The following SDC1 variants were observed in gnomAD, a reference collection of about 807,000 sequenced individuals.
SDC1 encodes the protein syndecan 1, also known as syndecan-1.
SDC1 carries 14 observed loss-of-function variants against 29.7 expected under a neutral mutation model. The observed-to-expected ratio is 0.47, with a 90% CI of 0.31 to 0.74. SDC1 has a LOEUF of 0.74. Among genes scored for constraint, SDC1 ranks in the 30% least tolerant of loss-of-function variants. The probability of loss-of-function intolerance (pLI) is 0.05; values close to 1 mark genes in which losing one functional copy is unlikely to be tolerated. For synonymous variants in SDC1, 204 were observed against 175.5 expected (o/e 1.16, Z -1.29); for missense variants, 406 against 400.3 (o/e 1.01, Z -0.12).
rs1677141832 is a variant in SDC1, at chr2:20,203,885, A to G, written c.555T>C (p.Pro185=). ...CCTCAGCAGCCCTCTCGGTGGCAGA[A>G]GGACCTCCATCCTCTGTGTGGGGAG... ...LHTPHTEDGG[P]SATERAAEDG... The change falls in exon 3 of 5, where the codon CCT becomes CCC. Residue 185 remains proline, a synonymous_variant. Transcript: ENST00000254351. The G allele has an allele frequency of 1.2e-6, 2 of 1,606,996 alleles. No individual in the cohort carries two copies. Among genetic ancestry groups the G allele is most frequent in the Non-Finnish European group, 1.7e-6 (2 of 1,177,262 alleles).
At chr2:20,209,884 G>A (rs530542269) in intron 1 of SDC1, among the ~76,000 whole-genome samples, 1 of 152,222 alleles carries the variant, frequency 6.6e-6, no homozygotes. Flanking sequence ...GTTCGACGGG[G>A]GGCAGCGGGC....
At chr2:20,214,891 A>G (rs1677583167) in intron 1 of SDC1, among the ~76,000 whole-genome samples, 1 of 152,224 alleles carries the variant, frequency 6.6e-6, no homozygotes, top group South Asian at 2.1e-4. Flanking sequence ...GTTTTTTCCA[A>G]GCACTTTCTC....
In SDC1 at chr2:20,203,758, G is replaced by A. The variant is rs1677130452; in HGVS notation, c.627+55C>T. 2.1e-5 allele frequency: 27 copies of A among 1,290,662 alleles called. 1 individual carries two copies. The South Asian group carries it at 3.7e-4, about 18-fold the overall frequency. The allele number at this position is 1,290,662 out of a possible 1,614,324, so 80.0% of individuals were successfully genotyped here. A position where few individuals can be genotyped will look rare whatever the true frequency, so the allele number is the denominator to read the frequency against. ...GGCACAGGTGTAGGGCCTGCCAAGTGCCAGGCATTAGGACCAACCCACTCA... is the reference window on the plus strand; with the variant it reads ...GGCACAGGTGTAGGGCCTGCCAAGTACCAGGCATTAGGACCAACCCACTCA... On this transcript the variant is annotated intron_variant, in intron 3 of 4. Transcript: ENST00000254351.
In SDC1 at chr2:20,224,796, A is replaced by T. The variant is rs2148300609; in HGVS notation, c.66+6T>A. The T allele has an allele frequency of 1.5e-6, 2 of 1,306,330 alleles. No individual in the cohort carries two copies. Among genetic ancestry groups the T allele is most frequent in the East Asian group, 6.4e-5 (2 of 31,030 alleles). 80.9% of individuals were successfully genotyped at this position (1,306,330 alleles called of 1,614,324 possible). ...GCCTCCCCGCCTGGCCGCCGGCCGCACTCACCGGCAGGGCCGGCTGCAGGC... is the reference window on the plus strand; with the variant it reads ...GCCTCCCCGCCTGGCCGCCGGCCGCTCTCACCGGCAGGGCCGGCTGCAGGC... On this transcript the variant is annotated splice_donor_region_variant and intron_variant, in intron 1 of 4. Transcript: ENST00000254351. The surrounding 1 kb of genome is among the most constrained non-coding windows in gnomAD (Gnocchi z 4.9).
rs998356471 is a variant in SDC1, at chr2:20,204,272, G to C, written c.168C>G (p.Thr56=). The C allele has an allele frequency of 2.5e-6, 4 of 1,597,230 alleles. No homozygotes were observed. In the African/African-American group the frequency reaches 5.4e-5, roughly 21 times the overall value. The change falls in exon 3 of 5, where the codon ACC becomes ACG. Residue 56 remains threonine, a synonymous_variant. Coordinates refer to ENST00000254351, the MANE Select transcript of SDC1 (RefSeq NM_002997.5). ...GSGAGALQDI[T]LSQQTPSTWK... Reference sequence around the variant, plus strand: ...AAGTGGAGGGGGTCTGCTGTGACAAGGTGATATCTTGCAAAGCACCTGCAG... The same window carrying C: ...AAGTGGAGGGGGTCTGCTGTGACAACGTGATATCTTGCAAAGCACCTGCAG...
intron 1 of SDC1, chr2:20,208,010 G>A: frequency 1.0e-6 from 1 of 985,442 alleles, no homozygotes; most frequent in Non-Finnish European, 1.2e-6. Context: ...AGCTCAAGAT[G>A]GGGCAGGGAT....
chr2:20,225,266 T>A (rs1677956823), upstream of SDC1: 1 of 155,014 alleles, frequency 6.5e-6, no homozygotes, highest in African/African-American at 2.4e-5. Flanking sequence ...TCTTGCCTGC[T>A]TGGCTCCCGC....
chr2:20,224,181 C>G lies in SDC1; in HGVS notation c.66+621G>C, dbSNP rs1677915634. ...CCGGAACCTCCCGCTGCCGGGCCGG[C>G]TCAGCTCACCTCGAGCCGCCCACGG... On this transcript the variant is annotated intron_variant, in intron 1 of 4. Transcript: ENST00000254351. This position sits in a 1 kb window ranked among gnomAD's most constrained non-coding sequence, Gnocchi z 4.9. The G allele has an allele frequency of 2.3e-6, 1 of 426,468 alleles. No homozygotes were observed. Among genetic ancestry groups the G allele is most frequent in the Admixed American group, 2.5e-5 (1 of 40,680 alleles). 26.4% of individuals were successfully genotyped at this position (426,468 alleles called of 1,614,324 possible).
chr2:20,222,399 C>A (rs1677851957), intron 1 of SDC1, among the ~76,000 whole-genome samples: 1 of 152,154 alleles, frequency 6.6e-6, no homozygotes, highest in Admixed American at 6.5e-5. Context: ...CAGTGCATGC[C>A]CCCACCTTTA....
chr2:20,210,857 C>A (rs1677444711), intron 1 of SDC1, among the ~76,000 whole-genome samples: 1 of 151,536 alleles, frequency 6.6e-6, no homozygotes, highest in Admixed American at 6.6e-5. Context: ...AGGCTGGACA[C>A]CCACCCTCCC....
At chr2:20,214,081 G>C (rs1263825604) in intron 1 of SDC1, among the ~76,000 whole-genome samples, 1 of 152,222 alleles carries the variant, frequency 6.6e-6, no homozygotes, top group Admixed American at 6.5e-5. Context: ...GGGTAGGTGG[G>C]AGCTCTGGGA....
upstream of SDC1, chr2:20,225,206 AC>A: frequency 8.6e-6 from 1 of 116,150 alleles, no homozygotes; most frequent in Non-Finnish European, 1.7e-5. Flanking sequence ...CCCCCCAGCC[AC>A]CCCTCCCGGC....
rs1050316998 is a variant in SDC1 at position 20,204,282 on chromosome 2, T to A, written c.158A>T (p.Gln53Leu). The change falls in exon 3 of 5, where the codon CAA (glutamine) becomes CTA (leucine). Residue 53 changes from glutamine (Q) to leucine (L), a missense_variant. Transcript: ENST00000254351. ...NFSGSGAGALQDITLSQQTPS... is the reference protein window; with the variant it reads ...NFSGSGAGALLDITLSQQTPS... ...GGTCTGCTGTGACAAGGTGATATCT[T>A]GCAAAGCACCTGCAGGACCAGAAGC... The A allele has an allele frequency of 2.1e-6, 3 of 1,446,128 alleles. No individual in the cohort carries two copies. Among genetic ancestry groups the A allele is most frequent in the Non-Finnish European group, 2.8e-6 (3 of 1,082,602 alleles). The allele number at this position is 1,446,128 out of a possible 1,614,324, so 89.6% of individuals were successfully genotyped here. A position where few individuals can be genotyped will look rare whatever the true frequency, so the allele number is the denominator to read the frequency against.
chr2:20,223,875 A>C (rs1285638230), intron 1 of SDC1, among the ~76,000 whole-genome samples: 1 of 152,116 alleles, frequency 6.6e-6, no homozygotes, highest in African/African-American at 2.4e-5. Context: ...CTGAAGGTGG[A>C]TGCTGCATCC....
chr2:20,203,942 G>A lies in SDC1; in HGVS notation c.498C>T (p.Thr166=), dbSNP rs1202370975. Reference sequence around the variant, plus strand: ...GGTCAGCTTGGCTGGGTCCTGCAGGGGTTGAGGTCTCATGGTGGCCAGGCT... The same window carrying A: ...GGTCAGCTTGGCTGGGTCCTGCAGGAGTTGAGGTCTCATGGTGGCCAGGCT... The part of the protein sequence containing the change: ...DMQPGHHETS[T]PAGPSQADLH... Residue 166 remains threonine (T), a synonymous_variant, in exon 3 of 5, where the codon ACC becomes ACT. Coordinates refer to ENST00000254351, the MANE Select transcript of SDC1 (RefSeq NM_002997.5). The A allele has an allele frequency of 1.2e-6, 2 of 1,613,924 alleles. No individual in the cohort carries two copies. The highest frequency in any genetic ancestry group is 1.7e-5 in the Admixed American group (1 of 60,002).
chr2:20,225,181 C>A (rs879477571), upstream of SDC1: 8 of 205,666 alleles, frequency 3.9e-5, no homozygotes, highest in Admixed American at 1.2e-4. Flanking sequence ...CCAGTCCACA[C>A]CCCCCAGGAC....
chr2:20,204,515 T>G (rs1677187455), intron 2 of SDC1, among the ~76,000 whole-genome samples: 1 of 152,080 alleles, frequency 6.6e-6, no homozygotes, highest in African/African-American at 2.4e-5. Context: ...CAGCCTGGTC[T>G]CTGGAGCCAC....
rs981279881 is a variant in SDC1 at position 20,224,946 on chromosome 2, G to A, written c.-79C>T. The stretch of plus-strand genomic sequence containing the variant: ...GCCGGCTTCGCGGGTTCCGCTGCTC[G>A]ATGCTCTCTTGGGCGCCTGCCCAGC... On this transcript the variant is annotated 5_prime_UTR_variant, in exon 1 of 5. Transcript: ENST00000254351. This position sits in a 1 kb window ranked among gnomAD's most constrained non-coding sequence, Gnocchi z 4.9. The A allele has an allele frequency of 7.7e-4, 918 of 1,196,132 alleles. 1 individual carries two copies. The highest frequency in any genetic ancestry group is 9.2e-4 in the Non-Finnish European group (886 of 965,140). 74.1% of individuals were successfully genotyped at this position (1,196,132 alleles called of 1,614,324 possible). A position where few individuals can be genotyped will look rare whatever the true frequency, so the allele number is the denominator to read the frequency against.
At chr2:20,207,813 G>A in intron 1 of SDC1, 1 of 320,638 alleles carries the variant, frequency 3.1e-6, no homozygotes, top group Non-Finnish European at 4.5e-6. Flanking sequence ...AAACACCTGT[G>A]CTGCCTTCCC....
Sources: allele counts gnomAD v4.1 joint callset (sites outside exome capture counted in the v4.1 genomes callset), GRCh38; gene constraint gnomAD v4.1.1; non-coding constraint Gnocchi (gnomAD v3.1); transcripts MANE v1.5; gene names NCBI Gene and HGNC (gene_info 2026-07-23, HGNC 2026-07-21).